DPH6: variants seen among roughly 807,000 people sequenced by gnomAD.
DPH6 encodes the protein diphthine--ammonia ligase.
Under a neutral mutation model 38.2 loss-of-function variants are expected in DPH6, and 33 were observed. The observed-to-expected ratio is 0.86, with a 90% confidence interval of 0.65 to 1.15. DPH6 has a LOEUF of 1.15. DPH6 is among the 50% of genes most tolerant of loss of function. The pLI, the probability that DPH6 is intolerant of heterozygous loss-of-function variation, is 0.00. For synonymous variants in DPH6, 108 were observed against 103.0 expected (o/e 1.05, Z -0.30); for missense variants, 325 against 320.0 (o/e 1.02, Z -0.12).
intron 3 of DPH6, among the ~76,000 whole-genome samples, chr15:35,340,503 T>C (rs1400714333): frequency 6.6e-6 from 1 of 152,304 alleles, no homozygotes; most frequent in South Asian, 2.1e-4. Context: ...TGTGTTTTTG[T>C]AGTGGCTGGT....
chr15:35,333,158 A>T (rs2052340636), intron 3 of DPH6, among the ~76,000 whole-genome samples: 1 of 152,188 alleles, frequency 6.6e-6, no homozygotes, highest in Non-Finnish European at 1.5e-5. Flanking sequence ...ACTAAAACTT[A>T]AAAAAGTGAG....
At chr15:35,387,806 G>C (rs894265363) in intron 6 of DPH6, among the ~76,000 whole-genome samples, 6 of 152,054 alleles carry the variant, frequency 3.9e-5, no homozygotes, top group African/African-American at 1.4e-4. Flanking sequence ...AATTTGACTT[G>C]TTCTTTTCCT....
the DPH6 span, among the ~76,000 whole-genome samples, chr15:35,211,590 C>T: frequency 6.6e-6 from 1 of 152,152 alleles, no homozygotes; most frequent in Non-Finnish European, 1.5e-5. Flanking sequence ...TTGTTTTGAT[C>T]AATCTATATA....
At chr15:35,275,653 G>A (rs2051852819) in intron 3 of DPH6, among the ~76,000 whole-genome samples, 1 of 151,482 alleles carries the variant, frequency 6.6e-6, no homozygotes, top group South Asian at 2.1e-4. Flanking sequence ...AACCACCATG[G>A]AACATGTATA....
At chr15:35,237,581 A>T (rs2051562888) in intron 3 of DPH6, 1 of 1,577,886 alleles carries the variant, frequency 6.3e-7, no homozygotes, top group African/African-American at 1.3e-5. Context: ...ATTGGCAGAA[A>T]AGTGTCCGAA....
chr15:35,167,617 G>C, the DPH6 span, among the ~76,000 whole-genome samples: 1 of 148,788 alleles, frequency 6.7e-6, no homozygotes, highest in East Asian at 2.0e-4. Flanking sequence ...CTGACCACCT[G>C]CTTCAATATC....
At chr15:35,334,923 T>C (rs957951398) in intron 3 of DPH6, among the ~76,000 whole-genome samples, 3 of 152,178 alleles carry the variant, frequency 2.0e-5, no homozygotes, top group East Asian at 1.9e-4. Flanking sequence ...TACTCAGTAA[T>C]GGTATTGCTG....
intron 3 of DPH6, among the ~76,000 whole-genome samples, chr15:35,306,241 T>C (rs2052089753): frequency 6.6e-6 from 1 of 152,204 alleles, no homozygotes; most frequent in South Asian, 2.1e-4. Flanking sequence ...AGCTTAAAGT[T>C]TATAATACAG....
chr15:35,344,373 A>C (rs1015434493), intron 3 of DPH6, among the ~76,000 whole-genome samples: 60 of 152,074 alleles, frequency 3.9e-4, no homozygotes, highest in African/African-American at 1.4e-3. Flanking sequence ...AGTCTTAACC[A>C]AAAAATTCAA....
intron 6 of DPH6, among the ~76,000 whole-genome samples, chr15:35,391,835 C>G (rs1790846126): frequency 6.6e-6 from 1 of 152,226 alleles, no homozygotes; most frequent in Admixed American, 6.5e-5. Flanking sequence ...GCATGGTGCA[C>G]TGCACCCACT....
At chr15:35,199,715 A>G in the DPH6 span, among the ~76,000 whole-genome samples, 1 of 152,168 alleles carries the variant, frequency 6.6e-6, no homozygotes, top group Non-Finnish European at 1.5e-5. Flanking sequence ...AGAAAAAAAA[A>G]AAGAATGGGG....
At chr15:35,224,942 C>G (rs148535233) in intron 3 of DPH6, among the ~76,000 whole-genome samples, 33 of 152,312 alleles carry the variant, frequency 2.2e-4, no homozygotes, top group Non-Finnish European at 1.5e-5. Context: ...AAGATACCAA[C>G]GTTGATACAC....
chr15:35,250,007 TAA>T, intron 3 of DPH6, among the ~76,000 whole-genome samples: 1 of 149,580 alleles, frequency 6.7e-6, no homozygotes, highest in South Asian at 2.1e-4. Flanking sequence ...ACTAAAAATA[TAA>T]AAAAAAATTA....
intron 3 of DPH6, among the ~76,000 whole-genome samples, chr15:35,308,030 G>T (rs986156734): frequency 2.0e-5 from 3 of 152,152 alleles, no homozygotes; most frequent in Non-Finnish European, 2.9e-5. Context: ...CCAGCAATTT[G>T]GGAGGCTGAG....
At chr15:35,527,218 T>C (rs989949970) in intron 3 of DPH6, among the ~76,000 whole-genome samples, 2 of 152,116 alleles carry the variant, frequency 1.3e-5, no homozygotes, top group African/African-American at 4.8e-5. Flanking sequence ...TAGATTATTC[T>C]GGAAGCTAGA....
the DPH6 span, among the ~76,000 whole-genome samples, chr15:35,174,616 C>T: frequency 9.9e-5 from 15 of 152,162 alleles, no homozygotes; most frequent in Non-Finnish European, 5.9e-5. Context: ...ACCTAACAGT[C>T]ATACTGAATT....
chr15:35,208,306 C>T, the DPH6 span, among the ~76,000 whole-genome samples: 2 of 152,180 alleles, frequency 1.3e-5, no homozygotes, highest in African/African-American at 4.8e-5. Context: ...AGTATTTTCT[C>T]TATCAATCGA....
chr15:35,249,773 G>T (rs318333), intron 3 of DPH6, among the ~76,000 whole-genome samples: 83,973 of 152,012 alleles, frequency 0.55, 26,818 homozygotes, highest in Non-Finnish European at 0.73. Flanking sequence ...TGATATGTTA[G>T]AGAATGGAAA....
chr15:35,351,935 G>C (rs2052515382), intron 3 of DPH6, among the ~76,000 whole-genome samples: 1 of 151,960 alleles, frequency 6.6e-6, no homozygotes, highest in African/African-American at 2.4e-5. Flanking sequence ...GCCCATACTG[G>C]TCTCAAACTC....
Sources: allele counts gnomAD v4.1 joint callset (sites outside exome capture counted in the v4.1 genomes callset), GRCh38; gene constraint gnomAD v4.1.1; transcripts MANE v1.5; gene names NCBI Gene and HGNC (gene_info 2026-07-23, HGNC 2026-07-21).